Variants in CCDC148 observed in about 807,000 individuals in gnomAD.
CCDC148 encodes the protein coiled-coil domain containing 148.
CCDC148 carries 89 observed loss-of-function variants against 85.7 expected under a neutral mutation model. The observed-to-expected ratio is 1.04, with a 90% CI of 0.87 to 1.24. The LOEUF (loss-of-function observed/expected upper bound fraction) is 1.24. Ranked by LOEUF, CCDC148 falls within the 50% of genes most tolerant of loss-of-function variation. CCDC148 has a pLI of 0.00. For missense variants in CCDC148, 692 were observed against 671.7 expected, an observed-to-expected ratio of 1.03 and a Z score of -0.33; for synonymous variants, 230 against 213.9, an observed-to-expected ratio of 1.08 and a Z score of -0.66.
chr2:158,437,293 T>A (rs547022747), intron 1 of CCDC148, among the ~76,000 whole-genome samples: 86 of 152,312 alleles, frequency 5.6e-4, no homozygotes, highest in African/African-American at 1.9e-3. Context: ...TCAAGTGGGC[T>A]TCATCCCTGG....
intron 1 of CCDC148, among the ~76,000 whole-genome samples, chr2:158,372,430 T>C (rs1040960123): frequency 6.6e-6 from 1 of 152,024 alleles, no homozygotes; most frequent in Non-Finnish European, 1.5e-5. Flanking sequence ...AAAGAAAGAA[T>C]AATGAAAGTA....
intron 1 of CCDC148, among the ~76,000 whole-genome samples, chr2:158,368,871 T>A (rs1684311771): frequency 1.3e-5 from 2 of 151,978 alleles, no homozygotes; most frequent in Non-Finnish European, 2.9e-5. Flanking sequence ...AAGAGAGAGA[T>A]CATTTATATA....
chr2:158,222,006 A>G (rs1687209904), intron 10 of CCDC148, among the ~76,000 whole-genome samples: 1 of 152,176 alleles, frequency 6.6e-6, no homozygotes, highest in Non-Finnish European at 1.5e-5. Context: ...AATGTTAGCA[A>G]TGATTATGTC....
At chr2:158,259,503 T>A (rs187514529) in intron 9 of CCDC148, among the ~76,000 whole-genome samples, 30 of 152,070 alleles carry the variant, frequency 2.0e-4, no homozygotes, top group Admixed American at 1.8e-3. Flanking sequence ...TGTACCTGGA[T>A]TGCTGCAGTT....
intron 9 of CCDC148, among the ~76,000 whole-genome samples, chr2:158,272,738 G>C (rs893710989): frequency 6.6e-6 from 1 of 152,168 alleles, no homozygotes; most frequent in Non-Finnish European, 1.5e-5. Flanking sequence ...AGAAGAACTG[G>C]TCTTGAGTCA....
chr2:158,320,268 G>A (rs1692462309), intron 7 of CCDC148, among the ~76,000 whole-genome samples: 2 of 152,110 alleles, frequency 1.3e-5, no homozygotes, highest in Admixed American at 1.3e-4. Flanking sequence ...TTATAAGAAT[G>A]AATTAAAAGA....
At chr2:158,420,512 A>C (rs1686722146) in intron 1 of CCDC148, among the ~76,000 whole-genome samples, 1 of 152,176 alleles carries the variant, frequency 6.6e-6, no homozygotes, top group Non-Finnish European at 1.5e-5. Flanking sequence ...AGGAGAAATA[A>C]AATCCTTTAC....
At chr2:158,428,627 C>T (rs958528994) in intron 1 of CCDC148, among the ~76,000 whole-genome samples, 3 of 150,230 alleles carry the variant, frequency 2.0e-5, no homozygotes, top group Non-Finnish European at 4.5e-5. Flanking sequence ...ATTAAAAAGT[C>T]AGGAAACAAC....
intron 9 of CCDC148, among the ~76,000 whole-genome samples, chr2:158,293,357 T>G (rs1044419427): frequency 6.6e-6 from 1 of 152,216 alleles, no homozygotes; most frequent in Non-Finnish European, 1.5e-5. Flanking sequence ...TTGCACCATA[T>G]GATATTGCTG....
At chr2:158,174,632 A>AGGTTATATG in intron 13 of CCDC148, among the ~76,000 whole-genome samples, 1 of 152,106 alleles carries the variant, frequency 6.6e-6, no homozygotes, top group South Asian at 2.1e-4. Flanking sequence ...CTACACACCT[A>AGGTTATATG]GGTTATATGA....
intron 11 of CCDC148, among the ~76,000 whole-genome samples, chr2:158,208,293 G>T (rs1686360847): frequency 6.6e-6 from 1 of 152,158 alleles, no homozygotes; most frequent in Non-Finnish European, 1.5e-5. Flanking sequence ...AGAAAGAAGG[G>T]TATGTGTTGA....
At chr2:158,185,413 C>G (rs1157933996) in intron 11 of CCDC148, among the ~76,000 whole-genome samples, 1 of 152,130 alleles carries the variant, frequency 6.6e-6, no homozygotes, top group African/African-American at 2.4e-5. Context: ...GGCGTCTCAG[C>G]CTTTAAATAG....
rs545795142 is a variant in CCDC148 at position 158,422,243 on chromosome 2, C to T, written c.25+34172G>A. 2.0e-4 allele frequency among the ~76,000 whole-genome samples: 31 copies of T among 152,240 alleles called. No individual in the cohort carries two copies. In the South Asian group the frequency reaches 6.2e-3, roughly 31 times the overall value. ...ATCCTCCCTAACTCATTTTATGAGG[C>T]CAGCATCATCCTGATACCAAAGCCT... On this transcript the variant is annotated intron_variant, in intron 1 of 13. Coordinates refer to ENST00000283233, the MANE Select transcript of CCDC148 (RefSeq NM_138803.4).
intron 1 of CCDC148, among the ~76,000 whole-genome samples, chr2:158,426,936 C>A (rs574816698): frequency 6.6e-6 from 1 of 152,268 alleles, no homozygotes; most frequent in Admixed American, 6.5e-5. Context: ...GAAGGCAGTT[C>A]ATTTTGTGTT....
intron 1 of CCDC148, among the ~76,000 whole-genome samples, chr2:158,412,829 A>T (rs11676970): frequency 1.5e-3 from 13 of 8,624 alleles, no homozygotes; most frequent in South Asian, 6.5e-3. Context: ...ATAAGTATTT[A>T]TTATTATTAT....
In CCDC148 at chr2:158,317,146, C is replaced by T. The variant is rs907582980; in HGVS notation, c.765-3252G>A. ...TTTCTGAATTTGAAAAATGACTCTA[C>T]GTTAAAAGAAAATTTTAAAGAAAAC... On this transcript the variant is annotated intron_variant, in intron 7 of 13. Transcript: ENST00000283233. Among the ~76,000 whole-genome samples, 9 of 152,014 alleles carry T rather than the reference C, an allele frequency of 5.9e-5. No individual in the cohort carries two copies. The South Asian group carries it at 6.2e-4, about 10-fold the overall frequency.
intron 9 of CCDC148, among the ~76,000 whole-genome samples, chr2:158,278,582 C>G (rs1690084169): frequency 6.6e-6 from 1 of 152,204 alleles, no homozygotes; most frequent in African/African-American, 2.4e-5. Flanking sequence ...GGAGGGGCGC[C>G]CGCCATTGCC....
At chr2:158,240,452 TCACACACACACACACA>T (rs4028276) in intron 10 of CCDC148, among the ~76,000 whole-genome samples, 1 of 120,468 alleles carries the variant, frequency 8.3e-6, no homozygotes, top group Non-Finnish European at 1.7e-5. Flanking sequence ...TCTCTCTCTC[TCACACACACACACACA>T]CACACACACA....
At chr2:158,403,428 T>G (rs1685869402) in intron 1 of CCDC148, among the ~76,000 whole-genome samples, 1 of 152,014 alleles carries the variant, frequency 6.6e-6, no homozygotes, top group Non-Finnish European at 1.5e-5. Context: ...AGGTATTCAT[T>G]TCAACCACTG....
Sources: allele counts gnomAD v4.1 joint callset (sites outside exome capture counted in the v4.1 genomes callset), GRCh38; gene constraint gnomAD v4.1.1; transcripts MANE v1.5; gene names NCBI Gene and HGNC (gene_info 2026-07-23, HGNC 2026-07-21).